Variants in FGF14 observed in about 807,000 individuals in gnomAD.
FGF14 encodes the protein fibroblast growth factor 14, also known as fibroblast growth factor homologous factor 4.
FGF14 carries 5 observed loss-of-function variants against 25.5 expected under a neutral mutation model. That is an observed-to-expected ratio of 0.20 (90% CI 0.10 to 0.41). The LOEUF (loss-of-function observed/expected upper bound fraction) is 0.41, where lower values mean the gene tolerates loss of function less well. Ranked by LOEUF, FGF14 falls within the 10% of genes least tolerant of loss-of-function variation. The pLI is 1.00. For missense variants in FGF14, 222 were observed against 320.1 expected (o/e 0.69, Z 2.34); for synonymous variants, 138 against 118.3 (o/e 1.17, Z -1.08).
intron 1 of FGF14, among the ~76,000 whole-genome samples, chr13:102,005,305 A>G (rs1216419152): frequency 1.3e-5 from 2 of 152,176 alleles, no homozygotes; most frequent in Non-Finnish European, 2.9e-5. Flanking sequence ...AGAAATGTCT[A>G]TTTTGCTCTT....
At chr13:101,795,223 A>G (rs1376572939) in intron 3 of FGF14, among the ~76,000 whole-genome samples, 1 of 152,122 alleles carries the variant, frequency 6.6e-6, no homozygotes, top group African/African-American at 2.4e-5. Flanking sequence ...AGCTTTATTT[A>G]TAGAAATAGG....
rs2035026232 is a variant in FGF14 at position 101,722,009 on chromosome 13, C to G, written c.*822G>C. 6.6e-6 allele frequency: 1 copy of G among 151,966 alleles called. No homozygotes were observed. Among genetic ancestry groups the G allele is most frequent in the Non-Finnish European group, 1.5e-5 (1 of 68,040 alleles). The allele number at this position is 151,966 out of a possible 1,614,324, so 9.4% of individuals were successfully genotyped here. ...GGCAAATGTTACCATTACCAGTAAG[C>G]TTGTGATATGTATAAAACACACACA... is the stretch of plus-strand genomic sequence containing the variant. On this transcript the variant is annotated 3_prime_UTR_variant, in exon 5 of 5. Coordinates refer to ENST00000376143, the MANE Select transcript of FGF14 (RefSeq NM_004115.4).
In FGF14 at chr13:102,401,662, G is replaced by T. The variant is rs766944680; in HGVS notation, c.17C>A (p.Pro6His). ...TTTGAAATCAGTTCTCCTGAAGAGG[G>T]GCACCGGTTTTACCATAGGAAAAAC... Residue 6 changes from proline to histidine, a missense_variant, in exon 1 of 5, where the codon CCC (proline) becomes CAC (histidine). Transcript: ENST00000376131. The T allele has an allele frequency of 3.7e-6, 6 of 1,613,826 alleles. No individual in the cohort carries two copies. The South Asian group carries it at 6.6e-5, about 18-fold the overall frequency.
intron 1 of FGF14, among the ~76,000 whole-genome samples, chr13:102,110,243 G>A (rs2045149999): frequency 6.6e-6 from 1 of 152,192 alleles, no homozygotes; most frequent in African/African-American, 2.4e-5. Flanking sequence ...CTGGTAGAAA[G>A]CAGTGTTTTT....
intron 1 of FGF14, among the ~76,000 whole-genome samples, chr13:102,338,487 A>G (rs1230258667): frequency 6.6e-6 from 1 of 152,222 alleles, no homozygotes; most frequent in Non-Finnish European, 1.5e-5. Context: ...AAGCTGATCA[A>G]TGAACTAATG....
chr13:101,813,640 C>A (rs997623406), intron 3 of FGF14, among the ~76,000 whole-genome samples: 1 of 152,102 alleles, frequency 6.6e-6, no homozygotes, highest in African/African-American at 2.4e-5. Flanking sequence ...ATTTACAATG[C>A]CCTTGCTATT....
intron 1 of FGF14, among the ~76,000 whole-genome samples, chr13:101,882,354 C>T (rs1186788795): frequency 2.0e-5 from 3 of 151,392 alleles, no homozygotes; most frequent in Admixed American, 6.6e-5. Context: ...GAACCAAAGA[C>T]ATCTGTCGAA....
chr13:101,875,217 G>A lies in FGF14; in HGVS notation c.273C>T (p.Leu91=), dbSNP rs574124501. The change falls in exon 2 of 5, where the codon CTC becomes CTT. Residue 91 remains leucine, a synonymous_variant. Transcript: ENST00000376143. ...TAGTGCTGTCATCCTTGGTTCCATC[G>A]AGAGCTCCATCGGGGTGCATTTGCA... ...YYLQMHPDGA[L]DGTKDDSTNS... is the part of the protein sequence containing the mutation. 8.1e-6 allele frequency: 13 copies of A among 1,613,308 alleles called. No individual in the cohort carries two copies. Among genetic ancestry groups the A allele is most frequent in the Middle Eastern group, 1.7e-4 (1 of 6,054 alleles).
chr13:101,863,739 A>C (rs572560421), intron 3 of FGF14, among the ~76,000 whole-genome samples: 23 of 152,278 alleles, frequency 1.5e-4, no homozygotes, highest in African/African-American at 5.1e-4. Context: ...TCTATACCCT[A>C]AACTTGAGCA....
intron 1 of FGF14, among the ~76,000 whole-genome samples, chr13:102,362,736 T>C (rs1323196334): frequency 1.3e-5 from 2 of 152,166 alleles, no homozygotes; most frequent in Non-Finnish European, 2.9e-5. Context: ...CACCACTATT[T>C]TATCCAATGC....
At chr13:102,271,947 G>A (rs1537932) in intron 1 of FGF14, among the ~76,000 whole-genome samples, 1 of 151,994 alleles carries the variant, frequency 6.6e-6, no homozygotes, top group East Asian at 1.9e-4. Context: ...CTATTCTCTA[G>A]TGAGGACTCA....
chr13:102,077,489 T>C (rs998483490), intron 1 of FGF14, among the ~76,000 whole-genome samples: 1 of 152,142 alleles, frequency 6.6e-6, no homozygotes, highest in Non-Finnish European at 1.5e-5. Flanking sequence ...AGGATATGAA[T>C]AGTTATCTCT....
chr13:102,393,116 G>A (rs1437312017), intron 1 of FGF14, among the ~76,000 whole-genome samples: 1 of 152,110 alleles, frequency 6.6e-6, no homozygotes, highest in Non-Finnish European at 1.5e-5. Context: ...TTTACCACGT[G>A]GCTAACTCTT....
At chr13:102,037,500 A>G (rs918005151) in intron 1 of FGF14, among the ~76,000 whole-genome samples, 29 of 152,084 alleles carry the variant, frequency 1.9e-4, no homozygotes, top group Admixed American at 8.5e-4. Context: ...AGCTGCTTGG[A>G]TAATCCAGGA....
At chr13:102,146,043 T>C (rs2046840276) in intron 1 of FGF14, among the ~76,000 whole-genome samples, 1 of 152,334 alleles carries the variant, frequency 6.6e-6, no homozygotes, top group Non-Finnish European at 1.5e-5. Flanking sequence ...AGCAAATTAC[T>C]GAGGACAATT....
At chr13:101,818,542 C>A (rs775172277) in intron 3 of FGF14, among the ~76,000 whole-genome samples, 6 of 152,116 alleles carry the variant, frequency 3.9e-5, no homozygotes, top group South Asian at 4.1e-4. Context: ...ACCTGCACAA[C>A]CATAACATAA....
At chr13:102,212,679 A>T (rs1053137189) in intron 1 of FGF14, among the ~76,000 whole-genome samples, 4 of 152,248 alleles carry the variant, frequency 2.6e-5, no homozygotes, top group African/African-American at 9.6e-5. Context: ...TAACATTATT[A>T]TCAGATTAAC....
chr13:102,007,870 T>C (rs2039888339), intron 1 of FGF14, among the ~76,000 whole-genome samples: 1 of 152,210 alleles, frequency 6.6e-6, no homozygotes, highest in Non-Finnish European at 1.5e-5. Flanking sequence ...CATTTTGTTA[T>C]TTGTTGGAAT....
chr13:102,396,676 T>C (rs988865231), intron 1 of FGF14, among the ~76,000 whole-genome samples: 1 of 152,256 alleles, frequency 6.6e-6, no homozygotes, highest in Non-Finnish European at 1.5e-5. Context: ...TTCTCAGTTA[T>C]GGATGCTGTC....
Sources: gnomAD v4.1 joint callset for allele counts (sites outside exome capture counted in the v4.1 genomes callset) on GRCh38, gnomAD v4.1.1 for gene constraint, MANE v1.5 for transcripts, NCBI Gene and HGNC (gene_info 2026-07-23, HGNC 2026-07-21) for gene names.